The following CBL variants were observed in gnomAD, a reference collection of about 807,000 sequenced individuals.
CBL encodes the protein E3 ubiquitin-protein ligase CBL.
CBL carries 45 observed loss-of-function variants against 96.9 expected under a neutral mutation model. That is an observed-to-expected ratio of 0.46 (90% CI 0.37 to 0.60). The LOEUF (loss-of-function observed/expected upper bound fraction) is 0.60. Ranked by LOEUF, CBL falls within the 20% of genes least tolerant of loss-of-function variation. CBL has a pLI of 0.00. For synonymous variants in CBL, 420 were observed against 426.8 expected (o/e 0.98, Z 0.20); for missense variants, 1,024 against 1,143.5 (o/e 0.90, Z 1.51).
In CBL at chr11:119,276,140, T is replaced by C; in HGVS notation, c.1007+6T>C. 1 of 1,613,972 alleles carries C rather than the reference T, an allele frequency of 6.2e-7. No individual in the cohort carries two copies. The highest frequency in any genetic ancestry group is 8.5e-7 in the Non-Finnish European group (1 of 1,179,896). ...GATGGCTTCAGGGAAGGCTTGTGAG[T>C]ACCTACTGCATACCATCTGTTAGAG... On this transcript the variant is annotated splice_donor_region_variant and intron_variant, in intron 6 of 15. Coordinates refer to ENST00000264033, the MANE Select transcript of CBL (RefSeq NM_005188.4).
At chr11:119,261,710 A>G (rs774648366) in intron 2 of CBL, among the ~76,000 whole-genome samples, 6 of 152,200 alleles carry the variant, frequency 3.9e-5, no homozygotes, top group African/African-American at 7.2e-5. Flanking sequence ...ATGTAATTCT[A>G]CTTATTAAAG....
At chr11:119,243,233 A>T (rs1223942396) in intron 2 of CBL, among the ~76,000 whole-genome samples, 1 of 152,180 alleles carries the variant, frequency 6.6e-6, no homozygotes, top group South Asian at 2.1e-4. Context: ...AGCCGAGATC[A>T]TGCCAGTGCA....
At chr11:119,270,644 C>G (rs998214144) in intron 2 of CBL, among the ~76,000 whole-genome samples, 12 of 150,100 alleles carry the variant, frequency 8.0e-5, no homozygotes, top group Non-Finnish European at 1.5e-4. Flanking sequence ...GACGGGGTTT[C>G]ACCGTTTTAG....
intron 6 of CBL, among the ~76,000 whole-genome samples, chr11:119,277,237 T>TCACACACACACACACACACACACACA (rs1478200397): frequency 1.7e-5 from 1 of 57,878 alleles, no homozygotes; most frequent in African/African-American, 1.0e-4. Context: ...TAAGAATCTG[T>TCACACACACACACACACACACACACA]CGCGCACACA....
At position 119,299,576 on chromosome 11, in the gene CBL, G is replaced by T. The variant is rs199771745; in HGVS notation, c.2516G>T (p.Ser839Ile). Residue 839 changes from serine to isoleucine, a missense_variant, in exon 16 of 16, where the codon AGC becomes ATC. Coordinates refer to ENST00000264033, the MANE Select transcript of CBL (RefSeq NM_005188.4). Reference sequence around the variant, plus strand: ...ATCAACTCTGAACGGAAAGCTGGCAGCTGTCAGCAAGGTAGTGGTCCTGCC... The same window carrying T: ...ATCAACTCTGAACGGAAAGCTGGCATCTGTCAGCAAGGTAGTGGTCCTGCC... ...RRINSERKAGSCQQGSGPAAS... is the reference protein window; with the variant it reads ...RRINSERKAGICQQGSGPAAS... 1 of 1,614,060 alleles carries T rather than the reference G, an allele frequency of 6.2e-7. No homozygotes were observed. Among genetic ancestry groups the T allele is most frequent in the Non-Finnish European group, 8.5e-7 (1 of 1,180,042 alleles).
Position 119,278,530 on chromosome 11 carries a change from T to C in CBL, c.1248T>C (p.Cys416=), listed in dbSNP as rs1328906812. The stretch of plus-strand genomic sequence containing the variant: ...TGCAGGAATCAGAAGGTCAGGGCTG[T>C]CCTTTCTGCCGATGTGAAATTAAAG... ...TSWQESEGQG[C]PFCRCEIKGT... Residue 416 remains cysteine (C), a synonymous_variant, in exon 9 of 16, where the codon TGT becomes TGC. Transcript: ENST00000264033. 6.2e-6 allele frequency: 10 copies of C among 1,614,162 alleles called. No individual in the cohort carries two copies. Among genetic ancestry groups the C allele is most frequent in the Non-Finnish European group, 8.5e-6 (10 of 1,179,976 alleles).
At chr11:119,297,237 C>T in intron 13 of CBL, 147 bp from the exon 14 acceptor site, 1 of 773,886 alleles carries the variant, frequency 1.3e-6, no homozygotes, top group South Asian at 1.4e-5. Flanking sequence ...ATGAGAACCT[C>T]AAAAACACAT....
intron 2 of CBL, among the ~76,000 whole-genome samples, chr11:119,259,583 A>G (rs1949737667): frequency 6.6e-6 from 1 of 152,142 alleles, no homozygotes; most frequent in Non-Finnish European, 1.5e-5. Flanking sequence ...ATAAATATAA[A>G]TATTTCTGGT....
At chr11:119,271,290 G>A (rs902633096) in intron 2 of CBL, among the ~76,000 whole-genome samples, 1 of 152,148 alleles carries the variant, frequency 6.6e-6, no homozygotes, top group South Asian at 2.1e-4. Context: ...TCCTAAAAAA[G>A]TAAATTTGTC....
At chr11:119,217,305 G>A (rs796366496) in intron 1 of CBL, among the ~76,000 whole-genome samples, 2 of 152,162 alleles carry the variant, frequency 1.3e-5, no homozygotes, top group Non-Finnish European at 2.9e-5. Context: ...AGTAGACGGG[G>A]TTTCTCCATG....
intron 12 of CBL, chr11:119,289,413 T>C (rs888082294): frequency 6.6e-5 from 10 of 152,190 alleles, no homozygotes; most frequent in African/African-American, 2.4e-4. Flanking sequence ...GTTTTTATTA[T>C]AACCAAATAC....
At chr11:119,261,589 A>T (rs907200344) in intron 2 of CBL, among the ~76,000 whole-genome samples, 3 of 152,200 alleles carry the variant, frequency 2.0e-5, no homozygotes, top group Non-Finnish European at 2.9e-5. Context: ...TAAAGATTTC[A>T]GCATTATCTT....
chr11:119,299,628 G>GCTCTCC lies in CBL; in HGVS notation c.2569_2574dup (p.Leu857_Ser858dup), dbSNP rs1950087065. 1.2e-5 allele frequency: 19 copies of GCTCTCC among 1,614,156 alleles called. No homozygotes were observed. The highest frequency in any genetic ancestry group is 1.6e-5 in the Non-Finnish European group (19 of 1,180,026). ...CCTCTGCTGCCACCGCCTCACCTCA[G>GCTCTCC]CTCTCCAGTGAGATCGAGAACCTCA... is the stretch of plus-strand genomic sequence containing the variant. On this transcript the variant is annotated inframe_insertion, in exon 16 of 16. Transcript: ENST00000264033.
intron 2 of CBL, among the ~76,000 whole-genome samples, chr11:119,255,455 T>A (rs986614771): frequency 6.6e-6 from 1 of 152,220 alleles, no homozygotes; most frequent in Non-Finnish European, 1.5e-5. Flanking sequence ...CCCTGTATTA[T>A]GTTACTGCAG....
intron 1 of CBL, among the ~76,000 whole-genome samples, chr11:119,224,447 A>C (rs569784660): frequency 2.0e-5 from 3 of 152,110 alleles, no homozygotes; most frequent in Non-Finnish European, 4.4e-5. Context: ...CTCCCTGCCA[A>C]AAGTTAACCA....
At chr11:119,242,349 G>A (rs552753352) in intron 2 of CBL, among the ~76,000 whole-genome samples, 6 of 151,768 alleles carry the variant, frequency 4.0e-5, no homozygotes, top group Non-Finnish European at 5.9e-5. Context: ...CGAGACCAGC[G>A]TGAACATGGT....
intron 1 of CBL, among the ~76,000 whole-genome samples, chr11:119,215,428 A>ATTT (rs542002208): frequency 1.5e-5 from 2 of 133,716 alleles, no homozygotes; most frequent in Non-Finnish European, 1.5e-5. Context: ...AAACAGCCTA[A>ATTT]ATTTTTTTTT....
At chr11:119,216,783 C>G (rs1008632233) in intron 1 of CBL, among the ~76,000 whole-genome samples, 6 of 152,118 alleles carry the variant, frequency 3.9e-5, no homozygotes, top group African/African-American at 1.4e-4. Context: ...CCTTTTACCC[C>G]CATACCCCCA....
In CBL at chr11:119,241,625, C is replaced by T. The variant is rs187393383; in HGVS notation, c.443+8930C>T. The stretch of plus-strand genomic sequence containing the variant: ...GTGTTTGTGCAGCTATAATCTTTTC[C>T]TAGCACCATGAAAATAGGTTTTCAA... On this transcript the variant is annotated intron_variant, in intron 2 of 15. Transcript: ENST00000264033. 3.1e-3 allele frequency among the ~76,000 whole-genome samples: 479 copies of T among 152,262 alleles called. 1 individual carries two copies. Among genetic ancestry groups the T allele is most frequent in the Admixed American group, 8.7e-3 (133 of 15,288 alleles).
Sources: gnomAD v4.1 joint callset for allele counts (sites outside exome capture counted in the v4.1 genomes callset) on GRCh38, gnomAD v4.1.1 for gene constraint, MANE v1.5 for transcripts, NCBI Gene and HGNC (gene_info 2026-07-23, HGNC 2026-07-21) for gene names.